Variants in SPAG16 observed in about 807,000 individuals in gnomAD.
The protein encoded by SPAG16 is sperm-associated antigen 16 protein.
A neutral mutation model predicts 80.4 loss-of-function variants in SPAG16; 86 were observed. That is an observed-to-expected ratio of 1.07 (90% CI 0.90 to 1.28). SPAG16 has a LOEUF of 1.28. Ranked by LOEUF, SPAG16 falls within the 50% of genes most tolerant of loss-of-function variation. The probability of loss-of-function intolerance (pLI) is 0.00; values close to 1 mark genes in which losing one functional copy is unlikely to be tolerated. For missense variants in SPAG16, 870 were observed against 765.3 expected, an observed-to-expected ratio of 1.14 and a Z score of -1.61; for synonymous variants, 294 against 265.9, an observed-to-expected ratio of 1.11 and a Z score of -1.03.
intron 10 of SPAG16, among the ~76,000 whole-genome samples, chr2:213,633,797 T>TAAG (rs1559328879): frequency 6.6e-6 from 1 of 152,178 alleles, no homozygotes; most frequent in Non-Finnish European, 1.5e-5. Context: ...TCTCTTCTTA[T>TAAG]AGTTTTTGTC....
intron 14 of SPAG16, among the ~76,000 whole-genome samples, chr2:214,136,486 T>C (rs1346491293): frequency 6.6e-6 from 1 of 152,194 alleles, no homozygotes; most frequent in East Asian, 1.9e-4. Flanking sequence ...TGCTGTGTTG[T>C]GTACTTTAGC....
chr2:213,423,906 G>GA (rs2069749280), intron 9 of SPAG16, among the ~76,000 whole-genome samples: 1 of 152,100 alleles, frequency 6.6e-6, no homozygotes, highest in Non-Finnish European at 1.5e-5. Flanking sequence ...GATCCTGGGT[G>GA]AAAACTAGTA....
At chr2:213,891,221 C>G (rs1335813883) in intron 11 of SPAG16, among the ~76,000 whole-genome samples, 1 of 151,900 alleles carries the variant, frequency 6.6e-6, no homozygotes, top group Non-Finnish European at 1.5e-5. Flanking sequence ...ATTCTTAAGT[C>G]AATTGATGGA....
intron 9 of SPAG16, among the ~76,000 whole-genome samples, chr2:213,377,974 C>T (rs1258501270): frequency 1.3e-5 from 2 of 150,988 alleles, no homozygotes; most frequent in South Asian, 2.1e-4. Context: ...AGTATTAACT[C>T]ACACGATCAC....
At position 213,670,099 on chromosome 2, in the gene SPAG16, G is replaced by A. The variant is rs139077664; in HGVS notation, c.1070+180009G>A. Among the ~76,000 whole-genome samples, 232 of 151,374 alleles carry A rather than the reference G, an allele frequency of 1.5e-3. 2 individuals are homozygous for A. Among genetic ancestry groups the A allele is most frequent in the African/African-American group, 5.2e-3 (213 of 41,154 alleles). ...TGCAAACTCTGCCTCCGGGGTTCAC[G>A]CCCTTCTGCCTCAGCCTCCCAAGTA... On this transcript the variant is annotated intron_variant, in intron 10 of 15. Coordinates refer to ENST00000331683, the MANE Select transcript of SPAG16 (RefSeq NM_024532.5).
chr2:213,453,811 A>G (rs1414071393), intron 9 of SPAG16, among the ~76,000 whole-genome samples: 1 of 152,234 alleles, frequency 6.6e-6, no homozygotes, highest in Non-Finnish European at 1.5e-5. Flanking sequence ...AGAAGACAGC[A>G]TATGAAGGGA....
chr2:213,679,240 G>T (rs551790170), intron 10 of SPAG16, among the ~76,000 whole-genome samples: 1 of 152,212 alleles, frequency 6.6e-6, no homozygotes, highest in East Asian at 1.9e-4. Flanking sequence ...ATGTAAAATT[G>T]CTTTGACTGG....
intron 13 of SPAG16, among the ~76,000 whole-genome samples, chr2:214,077,790 C>A (rs2051153668): frequency 1.3e-5 from 2 of 152,322 alleles, no homozygotes; most frequent in African/African-American, 2.4e-5. Context: ...ATTCCTTCTT[C>A]CCTCCCAGGA....
intron 10 of SPAG16, among the ~76,000 whole-genome samples, chr2:213,573,672 T>C (rs2060009976): frequency 6.6e-6 from 1 of 152,242 alleles, no homozygotes; most frequent in Admixed American, 6.5e-5. Flanking sequence ...TAAGTTTTTC[T>C]AGGTAAATGT....
intron 10 of SPAG16, among the ~76,000 whole-genome samples, chr2:213,668,371 T>C (rs1459252468): frequency 6.6e-6 from 1 of 151,936 alleles, no homozygotes; most frequent in East Asian, 1.9e-4. Context: ...GGACACACAC[T>C]AAATTCTATT....
chr2:214,252,158 AC>A (rs1690336437), intron 15 of SPAG16, among the ~76,000 whole-genome samples: 1 of 152,070 alleles, frequency 6.6e-6, no homozygotes, highest in African/African-American at 2.4e-5. Flanking sequence ...TTTTGGAACC[AC>A]GTTTGTTTCC....
intron 10 of SPAG16, among the ~76,000 whole-genome samples, chr2:213,759,319 TTTAAGAGG>T (rs1342545797): frequency 1.3e-5 from 2 of 148,226 alleles, no homozygotes; most frequent in South Asian, 2.2e-4. Context: ...TTCTACATGC[TTTAAGAGG>T]TTAATATATA....
intron 10 of SPAG16, among the ~76,000 whole-genome samples, chr2:213,661,946 C>T (rs1027050395): frequency 6.6e-6 from 1 of 152,118 alleles, no homozygotes; most frequent in East Asian, 1.9e-4. Flanking sequence ...GTTCTGCTAA[C>T]AGAATGTTTA....
chr2:213,977,615 G>A (rs1423540578), intron 12 of SPAG16, among the ~76,000 whole-genome samples: 1 of 150,628 alleles, frequency 6.6e-6, no homozygotes, highest in African/African-American at 2.5e-5. Flanking sequence ...GCCCCCAAAT[G>A]CTCTCTGTAT....
intron 11 of SPAG16, among the ~76,000 whole-genome samples, chr2:213,921,968 T>A (rs1026098322): frequency 6.6e-6 from 1 of 152,338 alleles, no homozygotes; most frequent in African/African-American, 2.4e-5. Flanking sequence ...TTTCATTCAT[T>A]TGGACCTTGG....
intron 15 of SPAG16, among the ~76,000 whole-genome samples, chr2:214,225,857 C>T (rs1400487516): frequency 6.6e-6 from 1 of 152,076 alleles, no homozygotes; most frequent in Admixed American, 6.6e-5. Context: ...TATAAACTGC[C>T]TGCCTATGTA....
At chr2:213,311,319 G>T (rs1387998375) in intron 4 of SPAG16, among the ~76,000 whole-genome samples, 1 of 151,582 alleles carries the variant, frequency 6.6e-6, no homozygotes, top group Non-Finnish European at 1.5e-5. Flanking sequence ...AATTTACAGT[G>T]CTAATAAAGT....
chr2:213,593,941 A>G (rs1039213592), intron 10 of SPAG16, among the ~76,000 whole-genome samples: 1 of 149,306 alleles, frequency 6.7e-6, no homozygotes, highest in African/African-American at 2.5e-5. Context: ...CGCCCGGCTA[A>G]TTTTTTTCTA....
chr2:213,933,754 A>T (rs12466024), intron 12 of SPAG16, among the ~76,000 whole-genome samples: 36,514 of 152,152 alleles, frequency 0.24, 5,191 homozygotes, highest in South Asian at 0.37. Context: ...ATTGTGTCCA[A>T]TACTCTTGTA....
Sources: gnomAD v4.1 joint callset for allele counts (sites outside exome capture counted in the v4.1 genomes callset) on GRCh38, gnomAD v4.1.1 for gene constraint, MANE v1.5 for transcripts, NCBI Gene and HGNC (gene_info 2026-07-23, HGNC 2026-07-21) for gene names.